KATNIP: variants seen among roughly 807,000 people sequenced by gnomAD.
KATNIP encodes the protein katanin-interacting protein.
In KATNIP, 126 loss-of-function variants were observed where a neutral mutation model predicts 174.0. The ratio of observed to expected loss-of-function variants is 0.72; its 90% CI spans 0.63 to 0.84. The LOEUF is 0.84. Ranked by LOEUF, KATNIP falls within the 40% of genes least tolerant of loss-of-function variation. The pLI, the probability that KATNIP is intolerant of heterozygous loss-of-function variation, is 0.00. For missense variants in KATNIP, 1,958 were observed against 2,109.7 expected (o/e 0.93, Z 1.41); for synonymous variants, 810 against 835.7 (o/e 0.97, Z 0.53).
chr16:27,657,674 G>A (rs1302183664), intron 6 of KATNIP, among the ~76,000 whole-genome samples: 5 of 152,182 alleles, frequency 3.3e-5, no homozygotes, highest in African/African-American at 1.2e-4. Flanking sequence ...CACTTTGGGA[G>A]GCCGAGGTGG....
chr16:27,595,194 G>A (rs2075299091), intron 2 of KATNIP, among the ~76,000 whole-genome samples: 1 of 152,178 alleles, frequency 6.6e-6, no homozygotes, highest in African/African-American at 2.4e-5. Context: ...AGATCAGCCT[G>A]GGCAACATGG....
intron 14 of KATNIP, among the ~76,000 whole-genome samples, chr16:27,728,586 A>G (rs2080540584): frequency 6.6e-6 from 1 of 152,134 alleles, no homozygotes; most frequent in African/African-American, 2.4e-5. Flanking sequence ...ACGCACCACC[A>G]TGCCCAGCTA....
At chr16:27,701,357 A>G (rs1175331926) in intron 10 of KATNIP, 4 of 425,290 alleles carry the variant, frequency 9.4e-6, no homozygotes, top group East Asian at 7.7e-5. Flanking sequence ...GTTTACAGTC[A>G]CTCATCGAAG....
In KATNIP at chr16:27,730,031, G is replaced by C. The variant is rs951556165; in HGVS notation, c.1743+8336G>C. On this transcript the variant is annotated intron_variant, in intron 14 of 27. Transcript: ENST00000261588. ...TGCTGGGAATCAGCACTGATACGCT[G>C]CCTGCCCCTGCAAGCTCATGCCCAG... 3.3e-5 allele frequency among the ~76,000 whole-genome samples: 5 copies of C among 152,240 alleles called. 1 individual carries two copies. Among genetic ancestry groups the C allele is most frequent in the Admixed American group, 2.6e-4 (4 of 15,292 alleles).
At chr16:27,600,494 A>G (rs2075481777) in intron 2 of KATNIP, among the ~76,000 whole-genome samples, 1 of 152,156 alleles carries the variant, frequency 6.6e-6, no homozygotes, top group African/African-American at 2.4e-5. Context: ...CCCTGGGATC[A>G]GCCAGCAGGC....
chr16:27,559,935 C>T (rs1049390182), intron 1 of KATNIP, among the ~76,000 whole-genome samples: 2 of 151,968 alleles, frequency 1.3e-5, no homozygotes, highest in Non-Finnish European at 2.9e-5. Flanking sequence ...GAGCCTAGAT[C>T]GCGCCACTGC....
chr16:27,609,978 GC>G (rs2075841136), intron 2 of KATNIP, among the ~76,000 whole-genome samples: 1 of 152,206 alleles, frequency 6.6e-6, no homozygotes, highest in Non-Finnish European at 1.5e-5. Context: ...AAGGAATGGG[GC>G]CTGAGGTGGG....
At chr16:27,616,966 T>C (rs1442245636) in intron 2 of KATNIP, among the ~76,000 whole-genome samples, 1 of 149,488 alleles carries the variant, frequency 6.7e-6, no homozygotes, top group Non-Finnish European at 1.5e-5. Flanking sequence ...TGTAGATATG[T>C]ATCTTTGTAT....
chr16:27,684,040 C>G (rs975109341), intron 8 of KATNIP, among the ~76,000 whole-genome samples: 4 of 152,184 alleles, frequency 2.6e-5, no homozygotes, highest in African/African-American at 9.7e-5. Context: ...TGGGACTTCC[C>G]TCCTTTGTAT....
At chr16:27,632,511 G>GGAGGTTTTGGCCTTCTGATGTCA in intron 5 of KATNIP, 1 of 429,622 alleles carries the variant, frequency 2.3e-6, no homozygotes, top group Non-Finnish European at 4.9e-6. Flanking sequence ...ATCTGAGGGT[G>GGAGGTTTTGGCCTTCTGATGTCA]GAGGTTTTGG....
intron 2 of KATNIP, among the ~76,000 whole-genome samples, chr16:27,593,832 A>G (rs2075255572): frequency 6.6e-6 from 1 of 152,132 alleles, no homozygotes; most frequent in African/African-American, 2.4e-5. Context: ...TTTTCATCCA[A>G]ACCTCTCAGG....
intron 2 of KATNIP, among the ~76,000 whole-genome samples, chr16:27,578,382 T>C (rs1479499630): frequency 6.6e-6 from 1 of 152,146 alleles, no homozygotes; most frequent in Non-Finnish European, 1.5e-5. Context: ...CAGGTGCTTC[T>C]TTGTACCCTG....
In KATNIP at chr16:27,684,383, C is replaced by T. The variant is rs537976826; in HGVS notation, c.940+2853C>T. Among the ~76,000 whole-genome samples, 21 of 152,290 alleles carry T rather than the reference C, an allele frequency of 1.4e-4. No individual in the cohort carries two copies. The East Asian group carries it at 4.1e-3, about 29-fold the overall frequency. On this transcript the variant is annotated intron_variant, in intron 8 of 27. Coordinates refer to ENST00000261588, the MANE Select transcript of KATNIP (RefSeq NM_015202.5). ...AACTAAACTATTATTTGCTTAATTA[C>T]CCACATTAATTACCACTTAATTAAT...
At chr16:27,640,015 C>G (rs2076746979) in intron 5 of KATNIP, among the ~76,000 whole-genome samples, 1 of 152,226 alleles carries the variant, frequency 6.6e-6, no homozygotes, top group South Asian at 2.1e-4. Flanking sequence ...CCCAGCCTTG[C>G]TCTTTTTTTC....
At position 27,751,929 on chromosome 16, in the gene KATNIP, G is replaced by T; in HGVS notation, c.3552+5G>T. On this transcript the variant is annotated splice_donor_5th_base_variant and intron_variant, in intron 17 of 27. Transcript: ENST00000261588. ...GGCTTGGGGGCTGATGAACGGGTAG[G>T]ACTGGAGCTGGGGGGCTGTGGGGGG... 1 of 1,601,398 alleles carries T rather than the reference G, an allele frequency of 6.2e-7. No individual in the cohort carries two copies. The highest frequency in any genetic ancestry group is 8.5e-7 in the Non-Finnish European group (1 of 1,175,530).
intron 21 of KATNIP, 104 bp downstream of exon 21, chr16:27,770,122 T>G (rs2082250089): frequency 7.9e-7 from 1 of 1,273,402 alleles, no homozygotes; most frequent in Admixed American, 1.9e-5. Flanking sequence ...GAAACGATGA[T>G]CAAACGCATT....
rs369391209 is a variant in KATNIP at position 27,750,220 on chromosome 16, G to A, written c.3260G>A (p.Arg1087Gln). 32 of 1,613,892 alleles carry A rather than the reference G, an allele frequency of 2.0e-5. No individual in the cohort carries two copies. The highest frequency in any genetic ancestry group is 6.7e-5 in the African/African-American group (5 of 74,848). ...AATAAATCTCGGATACATTCCTTCC[G>A]AGGCGTGAAGGACATCACAATGCTG... ...NYNKSRIHSFRGVKDITMLLD... is the reference protein window; with the variant it reads ...NYNKSRIHSFQGVKDITMLLD... The change falls in exon 16 of 28, where the codon CGA becomes CAA. Residue 1087 changes from arginine to glutamine, a missense_variant. Physicochemically the swap from Arg to Gln is conservative, Grantham distance 43. Transcript: ENST00000261588.
At chr16:27,561,693 G>A (rs1200517762) in intron 1 of KATNIP, among the ~76,000 whole-genome samples, 1 of 152,122 alleles carries the variant, frequency 6.6e-6, no homozygotes, top group Non-Finnish European at 1.5e-5. Context: ...TGCAGTGTGT[G>A]GTGTGTGTGT....
In KATNIP at chr16:27,643,969, T is replaced by C. The variant is rs183955958; in HGVS notation, c.409-4635T>C. 4.0e-3 allele frequency among the ~76,000 whole-genome samples: 609 copies of C among 151,980 alleles called. 3 individuals carry two copies. Among genetic ancestry groups the C allele is most frequent in the Non-Finnish European group, 6.3e-3 (430 of 67,968 alleles). ...GCTTCTAGGACCAGTTCTAGGAAATTGCTTTTTCTAGGGCCAATTCCTCCC... is the reference window on the plus strand; with the variant it reads ...GCTTCTAGGACCAGTTCTAGGAAATCGCTTTTTCTAGGGCCAATTCCTCCC... On this transcript the variant is annotated intron_variant, in intron 5 of 27. Transcript: ENST00000261588.
Sources: allele counts gnomAD v4.1 joint callset (sites outside exome capture counted in the v4.1 genomes callset), GRCh38; gene constraint gnomAD v4.1.1; transcripts MANE v1.5; gene names NCBI Gene and HGNC (gene_info 2026-07-23, HGNC 2026-07-21).